CORIN: variants seen among roughly 807,000 people sequenced by gnomAD.
CORIN encodes the protein corin, serine peptidase.
CORIN carries 117 observed loss-of-function variants against 125.3 expected under a neutral mutation model. The ratio of observed to expected loss-of-function variants is 0.93; its 90% CI spans 0.80 to 1.09. The LOEUF is 1.09. Among genes scored for constraint, CORIN ranks in the 50% least tolerant of loss-of-function variants. The probability of loss-of-function intolerance (pLI) is 0.00; values close to 1 mark genes in which losing one functional copy is unlikely to be tolerated. For missense variants in CORIN, 1,253 were observed against 1,306.7 expected (o/e 0.96, Z 0.63); for synonymous variants, 450 against 466.4 (o/e 0.96, Z 0.45).
chr4:47,665,054 C>T lies in CORIN; in HGVS notation c.1567G>A (p.Gly523Ser), dbSNP rs753367901. ...ILVPKCDVNT[G>S]EHIPPCRALC... ...TACCTGCAAGGAGGGATATGCTCGC[C>T]TGTATTCACATCACATTTTGGTACC... Residue 523 changes from glycine (G) to serine (S), a missense_variant, in exon 11 of 22, where the codon GGC (glycine) becomes AGC (serine). Coordinates refer to ENST00000273857, the MANE Select transcript of CORIN (RefSeq NM_006587.4). The T allele has an allele frequency of 1.3e-5, 21 of 1,611,236 alleles. No individual in the cohort carries two copies. The South Asian group carries it at 2.2e-4, about 17-fold the overall frequency.
At chr4:47,663,503 T>C (rs956264779) in intron 11 of CORIN, among the ~76,000 whole-genome samples, 1 of 152,044 alleles carries the variant, frequency 6.6e-6, no homozygotes. Context: ...AAAAAAGAAA[T>C]AAATTTATCT....
chr4:47,658,451 G>A (rs910772076), intron 12 of CORIN, among the ~76,000 whole-genome samples: 5 of 152,344 alleles, frequency 3.3e-5, no homozygotes, highest in Non-Finnish European at 7.3e-5. Flanking sequence ...GGAGTCTGGA[G>A]GGCAGAAGCC....
chr4:47,660,198 A>C (rs1412420771), intron 12 of CORIN, among the ~76,000 whole-genome samples: 1 of 152,206 alleles, frequency 6.6e-6, no homozygotes, highest in East Asian at 1.9e-4. Flanking sequence ...AAAATGAATA[A>C]AGACTTAAAC....
chr4:47,651,619 TG>T (rs1723733345), intron 13 of CORIN, among the ~76,000 whole-genome samples: 1 of 152,244 alleles, frequency 6.6e-6, no homozygotes, highest in African/African-American at 2.4e-5. Context: ...AGCAATTAAT[TG>T]AACTCCAAAT....
chr4:47,679,224 C>T (rs1441609641), intron 8 of CORIN, among the ~76,000 whole-genome samples: 1 of 152,172 alleles, frequency 6.6e-6, no homozygotes, highest in Non-Finnish European at 1.5e-5. Context: ...ATATTATTCT[C>T]TAATGGGTAT....
rs182841112 is a variant in CORIN, at chr4:47,666,873, G to A, written c.1358-1610C>T. Among the ~76,000 whole-genome samples the A allele has an allele frequency of 9.2e-5, 14 of 152,284 alleles. No individual in the cohort carries two copies. In the East Asian group the frequency reaches 2.3e-3, roughly 25 times the overall value. On this transcript the variant is annotated intron_variant, in intron 10 of 21. Transcript: ENST00000273857. ...CAATCCATGGCATTTTATTGTAGCAGCTTGAACATACTAAGACAGACATAT... is the reference window on the plus strand; with the variant it reads ...CAATCCATGGCATTTTATTGTAGCAACTTGAACATACTAAGACAGACATAT...
At chr4:47,653,710 G>A (rs374730522) in intron 12 of CORIN, 50 bp from the exon 13 acceptor site, 9 of 1,456,118 alleles carry the variant, frequency 6.2e-6, no homozygotes, top group Middle Eastern at 1.8e-4. Flanking sequence ...AGAAACATCA[G>A]CTAATTTATG....
chr4:47,623,117 T>TATATATATATATATAC (rs141525347), intron 19 of CORIN, among the ~76,000 whole-genome samples: 14 of 134,542 alleles, frequency 1.0e-4, no homozygotes, highest in African/African-American at 4.0e-4. Flanking sequence ...TATATATATA[T>TATATATATATATATAC]ACACACACAC....
chr4:47,664,884 A>G, intron 11 of CORIN, 148 bp downstream of exon 11: 1 of 539,998 alleles, frequency 1.9e-6, no homozygotes, highest in Non-Finnish European at 3.3e-6. Flanking sequence ...TACAACTTCT[A>G]CTTCTTTGTC....
intron 5 of CORIN, among the ~76,000 whole-genome samples, chr4:47,721,488 C>G (rs963129494): frequency 6.6e-6 from 1 of 152,112 alleles, no homozygotes; most frequent in South Asian, 2.1e-4. Context: ...AGGCTGGTCT[C>G]GAACTCCTGA....
chr4:47,754,940 A>G (rs928632483), intron 4 of CORIN, among the ~76,000 whole-genome samples: 2 of 152,198 alleles, frequency 1.3e-5, no homozygotes, highest in Non-Finnish European at 2.9e-5. Context: ...AAGCAAACAT[A>G]AAAGAGTTTT....
At chr4:47,788,472 T>C (rs1373013712) in intron 2 of CORIN, among the ~76,000 whole-genome samples, 2 of 152,178 alleles carry the variant, frequency 1.3e-5, no homozygotes, top group African/African-American at 4.8e-5. Flanking sequence ...AAACCATCTG[T>C]GTGATCATGA....
chr4:47,719,110 T>G (rs1048437019), intron 5 of CORIN, among the ~76,000 whole-genome samples: 2 of 152,200 alleles, frequency 1.3e-5, no homozygotes, highest in Non-Finnish European at 2.9e-5. Context: ...CCAACTGATA[T>G]GCCAGGAAAT....
intron 4 of CORIN, among the ~76,000 whole-genome samples, chr4:47,751,185 C>T (rs752702950): frequency 6.6e-6 from 1 of 152,180 alleles, no homozygotes; most frequent in Non-Finnish European, 1.5e-5. Context: ...CAGCCATGAA[C>T]TTCTTGAATC....
chr4:47,723,174 T>A lies in CORIN; in HGVS notation c.799+21228A>T, dbSNP rs1027639150. On this transcript the variant is annotated intron_variant, in intron 5 of 21. Coordinates refer to ENST00000273857, the MANE Select transcript of CORIN (RefSeq NM_006587.4). The stretch of plus-strand genomic sequence containing the variant: ...GCAACAGTGGCAGCAGCAGCCAAGG[T>A]TGCCTATTTGCCCCAGAGTTGGCTG... 2.6e-5 allele frequency among the ~76,000 whole-genome samples: 4 copies of A among 152,178 alleles called. No individual in the cohort carries two copies. The East Asian group carries it at 7.7e-4, about 29-fold the overall frequency.
Position 47,595,704 on chromosome 4 carries a change from T to C in CORIN, c.*17A>G. On this transcript the variant is annotated 3_prime_UTR_variant, in exon 22 of 22. Transcript: ENST00000273857. ...TCTTTTAGTGTAGCTGGCAAAAGTC[T>C]CTGATCATCCTTATAATTAGTTTAG... The C allele has an allele frequency of 6.3e-7, 1 of 1,578,226 alleles. No homozygotes were observed. Among genetic ancestry groups the C allele is most frequent in the Non-Finnish European group, 8.6e-7 (1 of 1,165,054 alleles).
intron 5 of CORIN, among the ~76,000 whole-genome samples, chr4:47,722,793 G>C (rs1170648850): frequency 6.6e-6 from 1 of 152,158 alleles, no homozygotes; most frequent in Non-Finnish European, 1.5e-5. Context: ...ACCTCCCCCT[G>C]TGATTGTAAC....
rs77242165 is a variant in CORIN, at chr4:47,652,221, C to T, written c.1843+1332G>A. Among the ~76,000 whole-genome samples the T allele has an allele frequency of 1.9e-3, 288 of 152,166 alleles. 1 individual carries two copies. Among genetic ancestry groups the T allele is most frequent in the African/African-American group, 6.6e-3 (276 of 41,512 alleles). On this transcript the variant is annotated intron_variant, in intron 13 of 21. Transcript: ENST00000273857. ...GTACATTCCTCCATAACAAAATTAC[C>T]CCAGACATTGTACCATCATTCTGAC...
intron 3 of CORIN, among the ~76,000 whole-genome samples, chr4:47,778,369 T>C (rs900369917): frequency 6.6e-6 from 1 of 152,132 alleles, no homozygotes; most frequent in South Asian, 2.1e-4. Flanking sequence ...AAAAAGGAAA[T>C]CTAGGACTGT....
Sources: gnomAD v4.1 joint callset for allele counts (sites outside exome capture counted in the v4.1 genomes callset) on GRCh38, gnomAD v4.1.1 for gene constraint, MANE v1.5 for transcripts, NCBI Gene and HGNC (gene_info 2026-07-23, HGNC 2026-07-21) for gene names.